The following MBD3 variants were observed in gnomAD, a reference collection of about 807,000 sequenced individuals.
MBD3 encodes methyl-CpG binding domain protein 3.
A neutral mutation model predicts 31.2 loss-of-function variants in MBD3; 13 were observed. The observed-to-expected ratio is 0.42, with a 90% CI of 0.27 to 0.66. The LOEUF is 0.66. Among genes scored for constraint, MBD3 ranks in the 30% least tolerant of loss-of-function variants. The pLI is 0.26. For synonymous variants in MBD3, 223 were observed against 187.4 expected, an observed-to-expected ratio of 1.19 and a Z score of -1.55; for missense variants, 440 against 426.5, an observed-to-expected ratio of 1.03 and a Z score of -0.28.
intron 5 of MBD3, among the ~76,000 whole-genome samples, chr19:1,580,582 A>C (rs1417315112): frequency 6.6e-6 from 1 of 151,872 alleles, no homozygotes; most frequent in Non-Finnish European, 1.5e-5. Context: ...CCTTGCGTCC[A>C]CTCTGCACAC....
chr19:1,578,177 G>C lies in MBD3; in HGVS notation c.*6-19C>G, dbSNP rs2145590415. 1.7e-6 allele frequency: 2 copies of C among 1,151,408 alleles called. No homozygotes were observed. Among genetic ancestry groups the C allele is most frequent in the Non-Finnish European group, 2.5e-6 (2 of 811,666 alleles). The allele number at this position is 1,151,408 out of a possible 1,614,324, so 71.3% of individuals were successfully genotyped here. A position where few individuals can be genotyped will look rare whatever the true frequency, so the allele number is the denominator to read the frequency against. On this transcript the variant is annotated intron_variant, in intron 6 of 6. Coordinates refer to ENST00000434436, the MANE Select transcript of MBD3 (RefSeq NM_001281453.2). This position sits in a 1 kb window ranked among gnomAD's most constrained non-coding sequence, Gnocchi z 6.1. ...AGGGCCTCTGGAAAGGACAGGGAGG[G>C]CTGGCTTTAGCGACTCCACGGGACG...
chr19:1,589,232 G>A (rs999026561), intron 1 of MBD3, among the ~76,000 whole-genome samples: 7 of 151,048 alleles, frequency 4.6e-5, no homozygotes, highest in African/African-American at 1.7e-4. Flanking sequence ...CTGGGAGGCC[G>A]AGGCAGGAGA....
chr19:1,581,231 C>A lies in MBD3; in HGVS notation c.538G>T (p.Ala180Ser). The A allele has an allele frequency of 6.2e-7, 1 of 1,612,168 alleles. No homozygotes were observed. The highest frequency in any genetic ancestry group is 8.5e-7 in the Non-Finnish European group (1 of 1,179,990). The change falls in exon 5 of 7, where the codon GCC becomes TCC. Residue 180 changes from alanine (A) to serine (S), a missense_variant. Physicochemically the swap from Ala to Ser is moderately conservative, Grantham distance 99. Around this residue, in one of 3 missense-constraint regions of MBD3, gnomAD observed 144 missense variants for 196.9 expected, o/e 0.73. Transcript: ENST00000434436. ...PGCTDETLLS[A>S]IASALHTSTM... ...CTAGTGTGCAGGGCGCTGGCGATGG[C>A]CGACAGCAGCGTCTCATCCGTGCAG...
chr19:1,581,536 A>G lies in MBD3; in HGVS notation c.500-267T>C, dbSNP rs1048227483. ...GGTGGGAGGACTGATTGAGCTTAGG[A>G]GTTTGAGACCAGCCTGGACAACACA... On this transcript the variant is annotated intron_variant, in intron 4 of 6. Coordinates refer to ENST00000434436, the MANE Select transcript of MBD3 (RefSeq NM_001281453.2). 7.4e-6 allele frequency: 4 copies of G among 540,292 alleles called. No individual in the cohort carries two copies. In the Admixed American group the frequency reaches 1.2e-4, roughly 17 times the overall value. 33.5% of individuals were successfully genotyped at this position (540,292 alleles called of 1,614,324 possible).
rs1369100381 is a variant in MBD3 at position 1,574,279 on chromosome 19, C to T, written c.*3885G>A. The T allele has an allele frequency of 6.6e-6, 1 of 152,112 alleles. No homozygotes were observed. The highest frequency in any genetic ancestry group is 1.5e-5 in the Non-Finnish European group (1 of 68,094). The allele number at this position is 152,112 out of a possible 1,614,324, so 9.4% of individuals were successfully genotyped here. On this transcript the variant is annotated 3_prime_UTR_variant, in exon 7 of 7. Transcript: ENST00000434436. Reference sequence around the variant, plus strand: ...CACCATTGCACTCCAGCCTGGGTGACAAGAGTGAGACTCCATCTCAAAAAA... The same window carrying T: ...CACCATTGCACTCCAGCCTGGGTGATAAGAGTGAGACTCCATCTCAAAAAA...
At chr19:1,588,156 A>G (rs1453531703) in intron 1 of MBD3, among the ~76,000 whole-genome samples, 2 of 152,130 alleles carry the variant, frequency 1.3e-5, no homozygotes, top group African/African-American at 4.8e-5. Flanking sequence ...GGCAAATTCC[A>G]TGGTCCACAA....
At chr19:1,580,030 T>C (rs1917313497) in intron 5 of MBD3, among the ~76,000 whole-genome samples, 2 of 152,264 alleles carry the variant, frequency 1.3e-5, no homozygotes, top group Non-Finnish European at 2.9e-5. Context: ...AGTGCTGGGA[T>C]TACAGGCGTC....
intron 3 of MBD3, 60 bp from the exon 4 acceptor site, chr19:1,582,772 C>T: frequency 1.3e-6 from 2 of 1,497,390 alleles, no homozygotes. Flanking sequence ...ACTCCAGGTC[C>T]TTGCTGGGCT....
Position 1,575,483 on chromosome 19 carries a change from TGAG to T in MBD3, c.*2678_*2680del, listed in dbSNP as rs979656174. On this transcript the variant is annotated 3_prime_UTR_variant, in exon 7 of 7. Transcript: ENST00000434436. The stretch of plus-strand genomic sequence containing the variant: ...GGGCTGGGGGCAGCCAAGTGGCCTT[TGAG>T]GATGGGGCCAGGCACCGCACAGGGC... 6.4e-5 allele frequency: 19 copies of T among 298,822 alleles called. No individual in the cohort carries two copies. The highest frequency in any genetic ancestry group is 4.3e-4 in the African/African-American group (19 of 44,196). The allele number at this position is 298,822 out of a possible 1,614,324, so 18.5% of individuals were successfully genotyped here.
Position 1,575,997 on chromosome 19 carries a change from A to AAGAGAC in MBD3, c.*2161_*2166dup, listed in dbSNP as rs762089931. Reference sequence around the variant, plus strand: ...GCTGCGACAGAGAGGGAGAGACAGCAAGAGACAGAGACAGAGACCGAGGGA... The same window carrying AAGAGAC: ...GCTGCGACAGAGAGGGAGAGACAGCAAGAGACAGAGACAGAGACAGAGACCGAGGGA... On this transcript the variant is annotated 3_prime_UTR_variant, in exon 7 of 7. Coordinates refer to ENST00000434436, the MANE Select transcript of MBD3 (RefSeq NM_001281453.2). 8 of 152,444 alleles carry AAGAGAC rather than the reference A, an allele frequency of 5.2e-5. No homozygotes were observed. The highest frequency in any genetic ancestry group is 1.7e-4 in the African/African-American group (7 of 41,436). The allele number at this position is 152,444 out of a possible 1,614,324, so 9.4% of individuals were successfully genotyped here.
In MBD3 at chr19:1,578,645, C is replaced by G. The variant is rs1229027402; in HGVS notation, c.678-107G>C. ...TGGGAGGGGAGGCCCGAGGGATCCA[C>G]AGGCACCCCCCCAGGACCAGCCCTG... On this transcript the variant is annotated intron_variant, in intron 5 of 6. Transcript: ENST00000434436. This position sits in a 1 kb window ranked among gnomAD's most constrained non-coding sequence, Gnocchi z 6.1. 6.3e-7 allele frequency: 1 copy of G among 1,594,310 alleles called. No homozygotes were observed. The highest frequency in any genetic ancestry group is 1.3e-5 in the African/African-American group (1 of 74,778).
At chr19:1,586,174 A>G (rs974749673) in intron 1 of MBD3, 2 of 152,140 alleles carry the variant, frequency 1.3e-5, no homozygotes, top group Non-Finnish European at 2.9e-5. Context: ...AAAAATGAGC[A>G]CGCATCCACA....
chr19:1,589,331 C>T (rs1421578256), intron 1 of MBD3, among the ~76,000 whole-genome samples: 4 of 104,538 alleles, frequency 3.8e-5, no homozygotes, highest in South Asian at 3.0e-4. Context: ...GCAACAAGAA[C>T]GAAACTCGGT....
Position 1,585,545 on chromosome 19 carries a change from A to G in MBD3, c.111-331T>C, listed in dbSNP as rs530841424. On this transcript the variant is annotated intron_variant, in intron 1 of 6. Coordinates refer to ENST00000434436, the MANE Select transcript of MBD3 (RefSeq NM_001281453.2). This position sits in a 1 kb window ranked among gnomAD's most constrained non-coding sequence, Gnocchi z 4.1. ...ATCGGATCCTTGCTCCAGACCCCCA[A>G]CCCCGGTCCCCTCTGAATCCTCCCC... 4 of 351,610 alleles carry G rather than the reference A, an allele frequency of 1.1e-5. No individual in the cohort carries two copies. The highest frequency in any genetic ancestry group is 8.2e-5 in the Admixed American group (2 of 24,346). The allele number at this position is 351,610 out of a possible 1,614,324, so 21.8% of individuals were successfully genotyped here.
At chr19:1,590,986 G>GCCAGGT (rs987684724) in intron 1 of MBD3, among the ~76,000 whole-genome samples, 22 of 152,348 alleles carry the variant, frequency 1.4e-4, no homozygotes, top group East Asian at 3.9e-4. Flanking sequence ...CAGGGCCAGG[G>GCCAGGT]CCCAGAGTGG....
chr19:1,583,381 C>G, intron 3 of MBD3: 1 of 90,552 alleles, frequency 1.1e-5, no homozygotes, highest in South Asian at 4.5e-4. Context: ...GAGCGAGACT[C>G]TGTCACAAAA....
At chr19:1,590,422 G>C (rs1052058732) in intron 1 of MBD3, among the ~76,000 whole-genome samples, 6 of 152,134 alleles carry the variant, frequency 3.9e-5, no homozygotes, top group African/African-American at 1.4e-4. Context: ...AGGAATTCGA[G>C]ACCAGTCTAG....
chr19:1,589,468 C>A (rs568094573), intron 1 of MBD3, among the ~76,000 whole-genome samples: 34 of 151,234 alleles, frequency 2.2e-4, no homozygotes, highest in Admixed American at 9.2e-4. Flanking sequence ...GCCTGGCCAA[C>A]ATGGTGAAAC....
rs542146483 is a variant in MBD3 at position 1,578,833 on chromosome 19, G to T, written c.678-295C>A. The stretch of plus-strand genomic sequence containing the variant: ...CCCAGACTTGGCCCTGAGCCTCCCC[G>T]GGGCTCAGCTGTGTAAACCCTTGCT... On this transcript the variant is annotated intron_variant, in intron 5 of 6. Coordinates refer to ENST00000434436, the MANE Select transcript of MBD3 (RefSeq NM_001281453.2). The surrounding 1 kb of genome is among the most constrained non-coding windows in gnomAD (Gnocchi z 6.1). 1.6e-4 allele frequency among the ~76,000 whole-genome samples: 24 copies of T among 152,260 alleles called. No individual in the cohort carries two copies. The highest frequency in any genetic ancestry group is 3.4e-4 in the Non-Finnish European group (23 of 68,012).
Sources: allele counts gnomAD v4.1 joint callset (sites outside exome capture counted in the v4.1 genomes callset), GRCh38; gene constraint gnomAD v4.1.1; regional missense constraint gnomAD v4.1.1; non-coding constraint Gnocchi (gnomAD v3.1); transcripts MANE v1.5; gene names NCBI Gene and HGNC (gene_info 2026-07-23, HGNC 2026-07-21).